Variants in ATP8A2 observed in about 807,000 individuals in gnomAD.
ATP8A2 encodes the protein phospholipid-transporting ATPase IB.
Under a neutral mutation model 165.6 loss-of-function variants are expected in ATP8A2, and 100 were observed. The ratio of observed to expected loss-of-function variants is 0.60; its 90% CI spans 0.51 to 0.71. The LOEUF is 0.71. ATP8A2 is among the 30% of genes least tolerant of loss of function. The pLI, the probability that ATP8A2 is intolerant of heterozygous loss-of-function variation, is 0.00. For missense variants in ATP8A2, 1,227 were observed against 1,479.5 expected (o/e 0.83, Z 2.80); for synonymous variants, 543 against 548.8 (o/e 0.99, Z 0.15).
chr13:25,686,208 G>A (rs1478712949), intron 24 of ATP8A2, among the ~76,000 whole-genome samples: 4 of 152,164 alleles, frequency 2.6e-5, no homozygotes, highest in South Asian at 2.1e-4. Flanking sequence ...TATTTGGGAT[G>A]CCTGATTGGA....
intron 2 of ATP8A2, among the ~76,000 whole-genome samples, chr13:25,501,477 G>A (rs974302545): frequency 3.9e-5 from 6 of 152,208 alleles, no homozygotes; most frequent in African/African-American, 1.2e-4. Flanking sequence ...GGAGGCAGCT[G>A]GGAGGCACAG....
chr13:25,548,961 C>T (rs1221283521), intron 10 of ATP8A2, among the ~76,000 whole-genome samples: 3 of 152,054 alleles, frequency 2.0e-5, no homozygotes, highest in African/African-American at 2.4e-5. Context: ...CTCATGTTTT[C>T]ATCTCAGTTT....
At chr13:25,878,518 C>T (rs1288847643) in intron 33 of ATP8A2, among the ~76,000 whole-genome samples, 4 of 114,976 alleles carry the variant, frequency 3.5e-5, no homozygotes, top group African/African-American at 7.6e-5. Flanking sequence ...GAACAGAGGT[C>T]GTACCTGTCA....
At chr13:25,682,085 A>T (rs1266834239) in intron 24 of ATP8A2, among the ~76,000 whole-genome samples, 2 of 152,160 alleles carry the variant, frequency 1.3e-5, no homozygotes, top group African/African-American at 4.8e-5. Flanking sequence ...ACTATAGTGG[A>T]AGAAAAGCAA....
intron 25 of ATP8A2, among the ~76,000 whole-genome samples, chr13:25,731,307 AAGACCG>A (rs2043633274): frequency 2.7e-5 from 3 of 111,806 alleles, no homozygotes; most frequent in Non-Finnish European, 5.6e-5. Context: ...AAAGAAAGAA[AAGACCG>A]GAAGGAGAGA....
chr13:25,465,916 T>C (rs1476987959), intron 1 of ATP8A2, among the ~76,000 whole-genome samples: 1 of 151,508 alleles, frequency 6.6e-6, no homozygotes. Context: ...TGAGCCACCA[T>C]GCCCAGCTGA....
intron 33 of ATP8A2, among the ~76,000 whole-genome samples, chr13:25,942,481 G>A (rs1291464988): frequency 6.6e-6 from 1 of 152,090 alleles, no homozygotes; most frequent in Non-Finnish European, 1.5e-5. Context: ...GGAGTGCAGT[G>A]GCATGATCTT....
At chr13:25,639,255 T>C (rs2041451397) in intron 24 of ATP8A2, among the ~76,000 whole-genome samples, 1 of 152,128 alleles carries the variant, frequency 6.6e-6, no homozygotes. Context: ...CATAACAATA[T>C]TAACCTTAAA....
At chr13:25,553,656 C>T (rs1444278339) in intron 11 of ATP8A2, 137 bp from the exon 12 acceptor site, 1 of 819,986 alleles carries the variant, frequency 1.2e-6, no homozygotes, top group Non-Finnish European at 2.0e-6. Flanking sequence ...CTGTGTGCCT[C>T]CTACAGAAAG....
At chr13:25,976,104 T>C (rs564770239) in intron 35 of ATP8A2, among the ~76,000 whole-genome samples, 1 of 152,238 alleles carries the variant, frequency 6.6e-6, no homozygotes, top group South Asian at 2.1e-4. Flanking sequence ...TTGTTTTGTT[T>C]TGTTTTTAAG....
Position 25,531,148 on chromosome 13 carries a change from T to A in ATP8A2, c.420+488T>A, listed in dbSNP as rs929300691. On this transcript the variant is annotated intron_variant, in intron 4 of 36. Transcript: ENST00000381655. ...ATTTGTGTGTGTGTGTATATATATG[T>A]TATATATATGATATATATGTTATAT... Among the ~76,000 whole-genome samples the A allele has an allele frequency of 1.0e-3, 137 of 134,322 alleles. 2 individuals carry two copies. The highest frequency in any genetic ancestry group is 3.8e-3 in the African/African-American group (132 of 34,630). 88.1% of individuals were successfully genotyped at this position (134,322 alleles called of 152,430 possible). A position where few individuals can be genotyped will look rare whatever the true frequency, so the allele number is the denominator to read the frequency against.
intron 33 of ATP8A2, among the ~76,000 whole-genome samples, chr13:25,870,985 T>C (rs774955905): frequency 1.3e-4 from 20 of 152,198 alleles, no homozygotes; most frequent in Non-Finnish European, 1.5e-4. Context: ...GCCCTCATTT[T>C]TTTAGTCCTT....
intron 2 of ATP8A2, among the ~76,000 whole-genome samples, chr13:25,481,949 T>C (rs565727964): frequency 6.6e-6 from 1 of 152,228 alleles, no homozygotes; most frequent in East Asian, 1.9e-4. Context: ...CCCATCACAT[T>C]GGGGGTTAGG....
At chr13:25,668,257 G>A (rs193000324) in intron 24 of ATP8A2, among the ~76,000 whole-genome samples, 154 of 152,196 alleles carry the variant, frequency 1.0e-3, no homozygotes, top group Non-Finnish European at 1.7e-3. Context: ...ATCTGGGAAT[G>A]TCTTCATTTC....
chr13:25,767,711 G>T (rs933921906), intron 25 of ATP8A2, among the ~76,000 whole-genome samples: 1 of 152,156 alleles, frequency 6.6e-6, no homozygotes, highest in Admixed American at 6.5e-5. Context: ...ATGCTAAAAG[G>T]GATATCAGAT....
intron 24 of ATP8A2, among the ~76,000 whole-genome samples, chr13:25,611,461 A>G (rs1425741737): frequency 6.6e-6 from 1 of 152,100 alleles, no homozygotes; most frequent in East Asian, 1.9e-4. Context: ...TAACTTCCAT[A>G]TGTAAAATCA....
chr13:25,964,111 CTCAG>C (rs1955722780), intron 34 of ATP8A2, among the ~76,000 whole-genome samples: 1 of 152,208 alleles, frequency 6.6e-6, no homozygotes, highest in African/African-American at 2.4e-5. Context: ...GGGCCCAGAA[CTCAG>C]CTTTTCCGGG....
rs17082412 is a variant in ATP8A2, at chr13:25,530,167, C to T, written c.321+69C>T. ...GTAAAATGAGATTTTGCTAAAGGTT[C>T]CTTAACTGCTAAAGTGTTATAATCT... On this transcript the variant is annotated intron_variant, in intron 3 of 36. Coordinates refer to ENST00000381655, the MANE Select transcript of ATP8A2 (RefSeq NM_016529.6). 7.5e-3 allele frequency: 7,080 copies of T among 946,986 alleles called. 447 individuals are homozygous for T. In the Admixed American group the frequency reaches 0.12, roughly 16 times the overall value. 58.7% of individuals were successfully genotyped at this position (946,986 alleles called of 1,614,324 possible). A position where few individuals can be genotyped will look rare whatever the true frequency, so the allele number is the denominator to read the frequency against.
At chr13:25,755,955 G>A (rs2044252484) in intron 25 of ATP8A2, among the ~76,000 whole-genome samples, 2 of 152,140 alleles carry the variant, frequency 1.3e-5, no homozygotes, top group Admixed American at 1.3e-4. Context: ...GGACTTGAAG[G>A]GAAGGGAGAT....
Sources: allele counts gnomAD v4.1 joint callset (sites outside exome capture counted in the v4.1 genomes callset), GRCh38; gene constraint gnomAD v4.1.1; transcripts MANE v1.5; gene names NCBI Gene and HGNC (gene_info 2026-07-23, HGNC 2026-07-21).